Variants in GRM8 observed in about 807,000 individuals in gnomAD.
GRM8 encodes glutamate metabotropic receptor 8.
In GRM8, 47 loss-of-function variants were observed where a neutral mutation model predicts 87.2. That is an observed-to-expected ratio of 0.54 (90% CI 0.43 to 0.69). The LOEUF is 0.69. Ranked by LOEUF, GRM8 falls within the 30% of genes least tolerant of loss-of-function variation. The pLI is 0.00. For missense variants in GRM8, 1,019 were observed against 1,139.2 expected (o/e 0.89, Z 1.52); for synonymous variants, 396 against 404.5 (o/e 0.98, Z 0.25).
At chr7:126,929,677 A>AC (rs1302642674) in intron 3 of GRM8, among the ~76,000 whole-genome samples, 1 of 146,462 alleles carries the variant, frequency 6.8e-6, no homozygotes, top group South Asian at 2.2e-4. Context: ...CAGGTGATCC[A>AC]CCCCCCTCAG....
At chr7:127,119,540 G>T (rs994880735) in intron 2 of GRM8, among the ~76,000 whole-genome samples, 1 of 151,010 alleles carries the variant, frequency 6.6e-6, no homozygotes, top group Non-Finnish European at 1.5e-5. Context: ...ACATACACAA[G>T]AAAGAAAGAA....
chr7:126,738,452 T>A (rs560167198), intron 7 of GRM8, among the ~76,000 whole-genome samples: 24 of 152,090 alleles, frequency 1.6e-4, no homozygotes, highest in Admixed American at 2.6e-4. Flanking sequence ...TTAAACTGGT[T>A]CAAGTTTGCT....
At chr7:126,556,257 G>C (rs1189660702) in intron 8 of GRM8, among the ~76,000 whole-genome samples, 1 of 147,778 alleles carries the variant, frequency 6.8e-6, no homozygotes, top group Non-Finnish European at 1.5e-5. Flanking sequence ...TTTCATATTA[G>C]TACCTACTAT....
intron 3 of GRM8, among the ~76,000 whole-genome samples, chr7:126,978,731 CA>C (rs1353471408): frequency 1.3e-5 from 2 of 152,150 alleles, no homozygotes; most frequent in Non-Finnish European, 2.9e-5. Flanking sequence ...CTTAAGATTC[CA>C]ATATGTAAAC....
chr7:126,750,299 A>T (rs1816271777), intron 7 of GRM8, among the ~76,000 whole-genome samples: 1 of 152,136 alleles, frequency 6.6e-6, no homozygotes, highest in Non-Finnish European at 1.5e-5. Context: ...CAAATCAGTG[A>T]TTTCTAAGAA....
At chr7:127,170,847 G>A (rs1208707725) in intron 2 of GRM8, among the ~76,000 whole-genome samples, 2 of 152,164 alleles carry the variant, frequency 1.3e-5, no homozygotes, top group Admixed American at 1.3e-4. Flanking sequence ...AGGGGAAAGG[G>A]TGGGAGAAGG....
intron 3 of GRM8, among the ~76,000 whole-genome samples, chr7:127,032,714 C>A (rs1157869811): frequency 6.6e-6 from 1 of 152,096 alleles, no homozygotes; most frequent in Non-Finnish European, 1.5e-5. Context: ...ATCATCCATT[C>A]CCTTTGCAGA....
chr7:126,800,594 T>C (rs564244515), intron 6 of GRM8, among the ~76,000 whole-genome samples: 1 of 152,156 alleles, frequency 6.6e-6, no homozygotes, highest in Non-Finnish European at 1.5e-5. Context: ...CTGTGCCACT[T>C]GGAGGGCATG....
intron 3 of GRM8, among the ~76,000 whole-genome samples, chr7:127,060,840 T>C (rs1446668486): frequency 1.3e-5 from 2 of 152,170 alleles, no homozygotes; most frequent in African/African-American, 2.4e-5. Flanking sequence ...TCATTTTGTG[T>C]CTTTCAGAGC....
At chr7:126,623,963 T>C (rs1800427795) in intron 7 of GRM8, among the ~76,000 whole-genome samples, 1 of 152,058 alleles carries the variant, frequency 6.6e-6, no homozygotes, top group Non-Finnish European at 1.5e-5. Flanking sequence ...TCAAAAAAGC[T>C]TACATCTAAT....
intron 2 of GRM8, among the ~76,000 whole-genome samples, chr7:127,175,346 G>A (rs1794040572): frequency 6.6e-6 from 1 of 151,922 alleles, no homozygotes; most frequent in African/African-American, 2.4e-5. Flanking sequence ...AAACTATAGT[G>A]GAAAAAACAG....
chr7:126,643,377 T>C (rs1355431733), intron 7 of GRM8, among the ~76,000 whole-genome samples: 1 of 73,540 alleles, frequency 1.4e-5, no homozygotes, highest in African/African-American at 5.4e-5. Flanking sequence ...ATGATCACTG[T>C]AGGTAAAAAA....
rs1802741067 is a variant in GRM8 at position 126,906,973 on chromosome 7, T to C, written c.728-2290A>G. Among the ~76,000 whole-genome samples the C allele has an allele frequency of 1.3e-5, 2 of 152,154 alleles. 1 individual carries two copies. The highest frequency in any genetic ancestry group is 4.1e-4 in the South Asian group (2 of 4,830). ...TACTGTGTGGGTGCTGTGGACACAA[T>C]GGTGAATAAAAGAAATTCTCTAAGT... On this transcript the variant is annotated intron_variant, in intron 3 of 10. Transcript: ENST00000339582.
intron 6 of GRM8, among the ~76,000 whole-genome samples, chr7:126,771,143 T>C (rs1334760358): frequency 3.3e-5 from 5 of 152,258 alleles, no homozygotes; most frequent in Middle Eastern, 6.8e-3. Flanking sequence ...GAATAAATTG[T>C]ATTTAAATTC....
intron 8 of GRM8, among the ~76,000 whole-genome samples, chr7:126,603,526 A>G (rs1798034069): frequency 1.3e-5 from 2 of 151,888 alleles, no homozygotes; most frequent in Non-Finnish European, 2.9e-5. Flanking sequence ...CTGATAAGCA[A>G]CTTCAGCAAA....
At chr7:126,985,773 G>C (rs1032928148) in intron 3 of GRM8, among the ~76,000 whole-genome samples, 1 of 152,036 alleles carries the variant, frequency 6.6e-6, no homozygotes, top group Non-Finnish European at 1.5e-5. Flanking sequence ...ATTAAGCCAT[G>C]AATACATTAA....
chr7:126,618,905 A>T (rs1300134213), intron 7 of GRM8, among the ~76,000 whole-genome samples: 2 of 152,224 alleles, frequency 1.3e-5, no homozygotes, highest in South Asian at 2.1e-4. Flanking sequence ...GAGAAACAGG[A>T]ACACTTTTAC....
chr7:126,971,177 A>C (rs1810383235), intron 3 of GRM8, among the ~76,000 whole-genome samples: 1 of 131,964 alleles, frequency 7.6e-6, no homozygotes, highest in Non-Finnish European at 1.7e-5. Flanking sequence ...AAAAAAAAAA[A>C]AAAAAAACAC....
At chr7:126,856,602 C>G (rs1797705071) in intron 6 of GRM8, among the ~76,000 whole-genome samples, 1 of 152,144 alleles carries the variant, frequency 6.6e-6, no homozygotes, top group Non-Finnish European at 1.5e-5. Context: ...TTCATAATAT[C>G]TAGTCCCATG....
Sources: allele counts gnomAD v4.1 joint callset (sites outside exome capture counted in the v4.1 genomes callset), GRCh38; gene constraint gnomAD v4.1.1; transcripts MANE v1.5; gene names NCBI Gene and HGNC (gene_info 2026-07-23, HGNC 2026-07-21).